Variants in USP22 observed in about 807,000 individuals in gnomAD.
USP22 encodes ubiquitin specific peptidase 22, also known as ubiquitin carboxyl-terminal hydrolase 22.
A neutral mutation model predicts 68.1 loss-of-function variants in USP22; 22 were observed. The observed-to-expected ratio is 0.32, with a 90% CI of 0.23 to 0.46. The LOEUF is 0.46. Ranked by LOEUF, USP22 falls within the 20% of genes least tolerant of loss-of-function variation. USP22 has a pLI of 1.00. For missense variants in USP22, 433 were observed against 695.8 expected (o/e 0.62, Z 4.25); for synonymous variants, 279 against 274.2 (o/e 1.02, Z -0.17).
intron 1 of USP22, among the ~76,000 whole-genome samples, chr17:21,031,801 G>A (rs1972294670): frequency 6.6e-6 from 1 of 152,084 alleles, no homozygotes; most frequent in Non-Finnish European, 1.5e-5. Flanking sequence ...ACACAACCTA[G>A]GATGCTCCCC....
chr17:21,031,227 T>C (rs1597699966), intron 1 of USP22, among the ~76,000 whole-genome samples: 1 of 152,234 alleles, frequency 6.6e-6, no homozygotes, highest in Non-Finnish European at 1.5e-5. Context: ...ACAAGGACTT[T>C]TGTAGCATTA....
intron 10 of USP22, among the ~76,000 whole-genome samples, chr17:21,006,281 T>G (rs548278385): frequency 6.6e-6 from 1 of 152,206 alleles, no homozygotes; most frequent in Non-Finnish European, 1.5e-5. Flanking sequence ...CAAAACCAAC[T>G]ATGTCTGCCT....
intron 2 of USP22, 92 bp from the exon 3 acceptor site, chr17:21,021,318 A>G (rs1888573874): frequency 6.2e-6 from 5 of 805,500 alleles, no homozygotes; most frequent in African/African-American, 1.7e-5. Flanking sequence ...GAGGTTCTGT[A>G]GATACTGACT....
intron 9 of USP22, among the ~76,000 whole-genome samples, chr17:21,007,372 A>T (rs1913812932): frequency 1.3e-5 from 2 of 152,222 alleles, no homozygotes; most frequent in South Asian, 4.1e-4. Context: ...CATTCCAGCC[A>T]GCAAGCTAGG....
chr17:21,013,088 CTTGTTA>C (rs1460829246), intron 6 of USP22, among the ~76,000 whole-genome samples, 153 bp from the exon 7 acceptor site: 1 of 152,138 alleles, frequency 6.6e-6, no homozygotes, highest in Non-Finnish European at 1.5e-5. Context: ...AGAGGGTGTC[CTTGTTA>C]TTTTAATATG....
chr17:21,018,216 T>C lies in USP22; in HGVS notation c.521-105A>G. The stretch of plus-strand genomic sequence containing the variant: ...CCTCTACATACTCATTTTCTTTTAT[T>C]CATTCATTCAAGCCAGAACACGATG... On this transcript the variant is annotated intron_variant, in intron 4 of 12. Coordinates refer to ENST00000261497, the MANE Select transcript of USP22 (RefSeq NM_015276.2). 7.2e-6 allele frequency: 8 copies of C among 1,106,688 alleles called. No individual in the cohort carries two copies. The South Asian group carries it at 1.1e-4, about 15-fold the overall frequency. The allele number at this position is 1,106,688 out of a possible 1,614,324, so 68.6% of individuals were successfully genotyped here.
intron 10 of USP22, among the ~76,000 whole-genome samples, chr17:21,005,893 G>C (rs1001327626): frequency 2.0e-5 from 3 of 152,200 alleles, no homozygotes; most frequent in Non-Finnish European, 4.4e-5. Context: ...TGGATGATCT[G>C]CCTAGGTCCT....
intron 9 of USP22, among the ~76,000 whole-genome samples, chr17:21,007,336 G>A (rs993311321): frequency 1.3e-5 from 2 of 152,206 alleles, no homozygotes; most frequent in African/African-American, 4.8e-5. Context: ...ACAGAAGACA[G>A]TCCTTTGCCT....
At chr17:21,009,091 C>CAAA (rs56665164) in intron 8 of USP22, among the ~76,000 whole-genome samples, 54 of 91,904 alleles carry the variant, frequency 5.9e-4, no homozygotes, top group African/African-American at 2.0e-3. Flanking sequence ...GACTCCATTT[C>CAAA]AAAAAAAAAA....
intron 1 of USP22, among the ~76,000 whole-genome samples, chr17:21,039,977 T>C (rs1227785518): frequency 1.3e-5 from 2 of 152,154 alleles, no homozygotes; most frequent in East Asian, 3.9e-4. Flanking sequence ...GACAGGAGGA[T>C]GGCTTGAGTC....
At chr17:21,040,387 G>A (rs1314020071) in intron 1 of USP22, among the ~76,000 whole-genome samples, 4 of 152,180 alleles carry the variant, frequency 2.6e-5, no homozygotes, top group African/African-American at 7.2e-5. Flanking sequence ...AGTCCCCCCA[G>A]TCAGAGGAAA....
intron 3 of USP22, 113 bp from the exon 4 acceptor site, chr17:21,019,298 A>T (rs892341655): frequency 6.1e-6 from 6 of 987,762 alleles, no homozygotes; most frequent in Non-Finnish European, 9.6e-6. Flanking sequence ...TTCAGTGAGC[A>T]ACATCCACAG....
chr17:21,004,412 T>C, intron 11 of USP22, 61 bp from the exon 12 acceptor site: 1 of 1,593,508 alleles, frequency 6.3e-7, no homozygotes, highest in Non-Finnish European at 8.6e-7. Flanking sequence ...CTTGAGGTCA[T>C]CACCATCAGA....
At chr17:21,033,167 G>T (rs138413245) in intron 1 of USP22, among the ~76,000 whole-genome samples, 1 of 152,060 alleles carries the variant, frequency 6.6e-6, no homozygotes, top group Non-Finnish European at 1.5e-5. Flanking sequence ...GGATTCCCCA[G>T]GCTGGCGGGT....
chr17:21,001,424 G>A lies in USP22; in HGVS notation c.*1607C>T, dbSNP rs1302301693. Reference sequence around the variant, plus strand: ...CCACCAGCTTCTCCATGGCCTGTGAGCTAAGAATAGGTTTCACGTTTTTAA... The same window carrying A: ...CCACCAGCTTCTCCATGGCCTGTGAACTAAGAATAGGTTTCACGTTTTTAA... On this transcript the variant is annotated 3_prime_UTR_variant, in exon 13 of 13. Coordinates refer to ENST00000261497, the MANE Select transcript of USP22 (RefSeq NM_015276.2). 1 of 152,168 alleles carries A rather than the reference G, an allele frequency of 6.6e-6. No individual in the cohort carries two copies. Among genetic ancestry groups the A allele is most frequent in the Non-Finnish European group, 1.5e-5 (1 of 68,026 alleles). The allele number at this position is 152,168 out of a possible 1,614,324, so 9.4% of individuals were successfully genotyped here. A position where few individuals can be genotyped will look rare whatever the true frequency, so the allele number is the denominator to read the frequency against.
rs373343514 is a variant in USP22 at position 21,028,559 on chromosome 17, G to T, written c.287C>A (p.Ala96Glu). Residue 96 changes from alanine (A) to glutamate (E), a missense_variant, in exon 2 of 13, where the codon GCG (alanine) becomes GAG (glutamate). By Grantham distance (107) the Ala-to-Glu change is moderately radical (BLOSUM62 -1). Around this residue, in one of 4 missense-constraint regions of USP22, gnomAD observed 144 missense variants for 237.2 expected, o/e 0.61. Transcript: ENST00000261497. ...TKKHIHEHAK[A>E]KRHNLAIDLM... is the part of the protein sequence containing the mutation. Reference sequence around the variant, plus strand: ...CGCCTCACCCAGGTTGTGCCGCTTCGCCTTCGCATGCTCGTGAATATGCTT... The same window carrying T: ...CGCCTCACCCAGGTTGTGCCGCTTCTCCTTCGCATGCTCGTGAATATGCTT... The T allele has an allele frequency of 1.2e-6, 2 of 1,613,748 alleles. No individual in the cohort carries two copies. The highest frequency in any genetic ancestry group is 2.7e-5 in the African/African-American group (2 of 74,846).
In USP22 at chr17:21,023,363, G is replaced by A. The variant is rs111850528; in HGVS notation, c.305-2137C>T. Among the ~76,000 whole-genome samples, 727 of 152,164 alleles carry A rather than the reference G, an allele frequency of 4.8e-3. 2 individuals are homozygous for A. Among genetic ancestry groups the A allele is most frequent in the Middle Eastern group, 0.014 (4 of 294 alleles). The stretch of plus-strand genomic sequence containing the variant: ...AAGTTAAAATATTTTTTAAAAAACT[G>A]GGAGAGAAACCCGGCGTGGTGGCTC... On this transcript the variant is annotated intron_variant, in intron 2 of 12. Transcript: ENST00000261497.
chr17:21,014,028 C>G (rs1018813331), intron 6 of USP22, among the ~76,000 whole-genome samples: 2 of 152,154 alleles, frequency 1.3e-5, no homozygotes, highest in African/African-American at 4.8e-5. Context: ...GAGCTGAGAT[C>G]GCACCACTGC....
At position 21,002,807 on chromosome 17, in the gene USP22, C is replaced by G; in HGVS notation, c.*224G>C. 1.3e-5 allele frequency: 7 copies of G among 522,608 alleles called. No homozygotes were observed. Among genetic ancestry groups the G allele is most frequent in the Non-Finnish European group, 2.1e-5 (6 of 285,292 alleles). 32.4% of individuals were successfully genotyped at this position (522,608 alleles called of 1,614,324 possible). ...CTGCTCCTCCCACCCAGAGCACACC[C>G]CTCATCTCATCCATCTTCAAAGCAG... is the stretch of plus-strand genomic sequence containing the variant. On this transcript the variant is annotated 3_prime_UTR_variant, in exon 13 of 13. Transcript: ENST00000261497.
Sources: gnomAD v4.1 joint callset for allele counts (sites outside exome capture counted in the v4.1 genomes callset) on GRCh38, gnomAD v4.1.1 for gene constraint, gnomAD v4.1.1 regional missense constraint, MANE v1.5 for transcripts, NCBI Gene and HGNC (gene_info 2026-07-23, HGNC 2026-07-21) for gene names.